ACAP2: variants seen among roughly 807,000 people sequenced by gnomAD.
The protein encoded by ACAP2 is ArfGAP with coiled-coil, ankyrin repeat and PH domains 2, also known as arf-GAP with coiled-coil, ANK repeat and PH domain-containing protein 2.
A neutral mutation model predicts 115.8 loss-of-function variants in ACAP2; 39 were observed. The observed-to-expected ratio is 0.34, with a 90% CI of 0.26 to 0.44. The LOEUF (loss-of-function observed/expected upper bound fraction) is 0.44, where lower values mean the gene tolerates loss of function less well. Among genes scored for constraint, ACAP2 ranks in the 20% least tolerant of loss-of-function variants. ACAP2 has a pLI of 1.00. For synonymous variants in ACAP2, 289 were observed against 315.8 expected (o/e 0.92, Z 0.90); for missense variants, 662 against 927.6 (o/e 0.71, Z 3.72).
intron 10 of ACAP2, among the ~76,000 whole-genome samples, chr3:195,314,893 A>G (rs191241756): frequency 6.6e-6 from 1 of 152,266 alleles, no homozygotes; most frequent in Non-Finnish European, 1.5e-5. Flanking sequence ...AATTTTTAAC[A>G]TTAAAAAGCA....
chr3:195,425,336 T>G (rs1179549736), intron 1 of ACAP2, among the ~76,000 whole-genome samples: 1 of 152,198 alleles, frequency 6.6e-6, no homozygotes, highest in African/African-American at 2.4e-5. Context: ...ACTTATCGTT[T>G]TGCAATTCAT....
At chr3:195,431,589 G>GGTACATGCC (rs373887641) in intron 1 of ACAP2, among the ~76,000 whole-genome samples, 1 of 150,266 alleles carries the variant, frequency 6.7e-6, no homozygotes, top group Admixed American at 6.6e-5. Context: ...AGGTACATGC[G>GGTACATGCC]ACCATGCCCG....
rs1189111655 is a variant in ACAP2 at position 195,275,661 on chromosome 3, A to G, written c.*3667T>C. On this transcript the variant is annotated 3_prime_UTR_variant, in exon 23 of 23. Transcript: ENST00000326793. ...CCTGGGTAATGGTGCCAATTCTGCC[A>G]CCAGCTAGCAAATCAAGTGACCCTG... 1 of 152,232 alleles carries G rather than the reference A, an allele frequency of 6.6e-6. No individual in the cohort carries two copies. The highest frequency in any genetic ancestry group is 1.5e-5 in the Non-Finnish European group (1 of 68,030). The allele number at this position is 152,232 out of a possible 1,614,324, so 9.4% of individuals were successfully genotyped here.
At position 195,333,096 on chromosome 3, in the gene ACAP2, C is replaced by A; in HGVS notation, c.601G>T (p.Ala201Ser). 6.2e-7 allele frequency: 1 copy of A among 1,606,970 alleles called. No individual in the cohort carries two copies. The highest frequency in any genetic ancestry group is 1.1e-5 in the South Asian group (1 of 89,944). ...AGATCATATCCTTGATGAAAGAAGG[C>A]CAAATGGGCATACATAAATGACAAC... ...SMLSFMYAHL[A>S]FFHQGYDLFS... The change falls in exon 8 of 23, where the codon GCC becomes TCC. Residue 201 changes from alanine to serine, a missense_variant. Physicochemically the swap from Ala to Ser is moderately conservative, Grantham distance 99 (BLOSUM62 1). Around this residue, in one of 3 missense-constraint regions of ACAP2, gnomAD observed 401 missense variants for 604.4 expected, o/e 0.66. Transcript: ENST00000326793.
chr3:195,279,474 TAATC>T (rs767774778), intron 22 of ACAP2, 46 bp from the exon 23 acceptor site: 74 of 1,246,608 alleles, frequency 5.9e-5, no homozygotes, highest in South Asian at 1.5e-4. Flanking sequence ...ACACAAGTAT[TAATC>T]AAACAACATT....
At chr3:195,409,879 CAAAAAAAAAA>C (rs59779977) in intron 1 of ACAP2, among the ~76,000 whole-genome samples, 6 of 56,994 alleles carry the variant, frequency 1.1e-4, no homozygotes, top group African/African-American at 3.1e-4. Flanking sequence ...GACTCCATCT[CAAAAAAAAAA>C]AAAAAAAAAA....
intron 2 of ACAP2, among the ~76,000 whole-genome samples, chr3:195,385,401 A>G (rs1734235299): frequency 1.3e-5 from 2 of 151,824 alleles, no homozygotes; most frequent in South Asian, 4.2e-4. Context: ...AAAAAAAAAA[A>G]AAAATCTTTA....
At chr3:195,279,604 G>GA (rs909300739) in intron 22 of ACAP2, 176 bp from the exon 23 acceptor site, 23,831 of 314,628 alleles carry the variant, frequency 0.076, no homozygotes, top group Middle Eastern at 0.11. Context: ...TGCAATGAAA[G>GA]AAAAAAAAAA....
At chr3:195,312,698 TC>T (rs1209302817) in intron 10 of ACAP2, among the ~76,000 whole-genome samples, 7 of 152,238 alleles carry the variant, frequency 4.6e-5, no homozygotes, top group African/African-American at 1.7e-4. Flanking sequence ...ATCTGTATCT[TC>T]TTTGGGTAAT....
At chr3:195,396,467 T>G (rs1711785608) in intron 1 of ACAP2, among the ~76,000 whole-genome samples, 1 of 152,080 alleles carries the variant, frequency 6.6e-6, no homozygotes, top group South Asian at 2.1e-4. Flanking sequence ...GAGCATTACA[T>G]TTTCCTTATA....
chr3:195,412,833 C>A, intron 1 of ACAP2: 1 of 444,196 alleles, frequency 2.3e-6, no homozygotes, highest in Non-Finnish European at 4.5e-6. Context: ...TAAAAAATTC[C>A]TTGAGCACTT....
chr3:195,306,542 G>A lies in ACAP2; in HGVS notation c.1085C>T (p.Thr362Ile). The A allele has an allele frequency of 1.2e-6, 2 of 1,612,860 alleles. No homozygotes were observed. The highest frequency in any genetic ancestry group is 1.7e-6 in the Non-Finnish European group (2 of 1,179,446). The stretch of plus-strand genomic sequence containing the variant: ...TTCATCACCCTTCTCTCTATAAGCA[G>A]TAGCAATACTGGTCTGAACAGCCTT... ...WIKAVQTSIA[T>I]AYREKGDESE... is the part of the protein sequence containing the mutation. Residue 362 changes from threonine (T) to isoleucine (I), a missense_variant, in exon 13 of 23, where the codon ACT becomes ATT. Around this residue, in one of 3 missense-constraint regions of ACAP2, gnomAD observed 401 missense variants for 604.4 expected, o/e 0.66. Coordinates refer to ENST00000326793, the MANE Select transcript of ACAP2 (RefSeq NM_012287.6).
chr3:195,289,147 T>G lies in ACAP2; in HGVS notation c.2148A>C (p.Glu716Asp), dbSNP rs1317812823. The change falls in exon 21 of 23, where the codon GAA (glutamate) becomes GAC (aspartate). Residue 716 changes from glutamate to aspartate, a missense_variant. Glu to Asp is a conservative substitution (Grantham distance 45, BLOSUM62 2). Transcript: ENST00000326793. ...AGGTGACTATATCAGCATTGGCTGC[T>G]TCCACAGCTATGCTCAAAGGGTCTT... ...EGKDPLSIAV[E>D]AANADIVTLL... 1 of 1,611,502 alleles carries G rather than the reference T, an allele frequency of 6.2e-7. No homozygotes were observed. Among genetic ancestry groups the G allele is most frequent in the Non-Finnish European group, 8.5e-7 (1 of 1,179,414 alleles).
intron 1 of ACAP2, among the ~76,000 whole-genome samples, chr3:195,429,995 T>C (rs1714994547): frequency 6.6e-6 from 1 of 152,212 alleles, no homozygotes; most frequent in Admixed American, 6.5e-5. Flanking sequence ...GTTTAATTTG[T>C]ATATGCTTGA....
At chr3:195,382,666 G>C (rs977769153) in intron 2 of ACAP2, among the ~76,000 whole-genome samples, 1 of 152,028 alleles carries the variant, frequency 6.6e-6, no homozygotes, top group Non-Finnish European at 1.5e-5. Context: ...GGATGCAAAG[G>C]GGGGTCACCA....
Position 195,442,775 on chromosome 3 carries a change from C to A in ACAP2, c.53+20G>T. On this transcript the variant is annotated intron_variant, in intron 1 of 22. Transcript: ENST00000326793. The stretch of plus-strand genomic sequence containing the variant: ...CGGGAAGGCAGCTCCGCGGTGACGC[C>A]GGGCGGCCGTGCCGGTTACCTGAAG... The A allele has an allele frequency of 6.5e-7, 1 of 1,527,366 alleles. No individual in the cohort carries two copies. Among genetic ancestry groups the A allele is most frequent in the Non-Finnish European group, 8.8e-7 (1 of 1,137,374 alleles). 94.6% of individuals were successfully genotyped at this position (1,527,366 alleles called of 1,614,324 possible).
chr3:195,349,040 A>G (rs1057266226), intron 4 of ACAP2, among the ~76,000 whole-genome samples: 2 of 147,598 alleles, frequency 1.4e-5, no homozygotes, highest in African/African-American at 5.1e-5. Flanking sequence ...TGATGTGATC[A>G]GCTCTATAGA....
intron 1 of ACAP2, among the ~76,000 whole-genome samples, chr3:195,392,744 A>C (rs922759221): frequency 2.0e-5 from 3 of 152,206 alleles, no homozygotes; most frequent in Non-Finnish European, 2.9e-5. Context: ...AAGAGAATAC[A>C]ATTATAATAA....
chr3:195,300,294 C>G (rs1727963326), intron 15 of ACAP2, among the ~76,000 whole-genome samples: 1 of 152,146 alleles, frequency 6.6e-6, no homozygotes, highest in South Asian at 2.1e-4. Flanking sequence ...ATCTGCCCAC[C>G]TTGGCCTCCC....
Sources: allele counts gnomAD v4.1 joint callset (sites outside exome capture counted in the v4.1 genomes callset), GRCh38; gene constraint gnomAD v4.1.1; regional missense constraint gnomAD v4.1.1; transcripts MANE v1.5; gene names NCBI Gene and HGNC (gene_info 2026-07-23, HGNC 2026-07-21).